The following PPP2R5C variants were observed in gnomAD, a reference collection of about 807,000 sequenced individuals.
PPP2R5C encodes the protein serine/threonine-protein phosphatase 2A 56 kDa regulatory subunit gamma isoform.
PPP2R5C carries 7 observed loss-of-function variants against 68.9 expected under a neutral mutation model. The ratio of observed to expected loss-of-function variants is 0.10; its 90% CI spans 0.06 to 0.19. The LOEUF (loss-of-function observed/expected upper bound fraction) is 0.19. Among genes scored for constraint, PPP2R5C ranks in the 10% least tolerant of loss-of-function variants. PPP2R5C has a pLI of 1.00. For synonymous variants in PPP2R5C, 210 were observed against 222.2 expected (o/e 0.95, Z 0.49); for missense variants, 348 against 641.3 (o/e 0.54, Z 4.94).
chr14:101,922,438 G>A (rs2047060510), intron 13 of PPP2R5C, among the ~76,000 whole-genome samples: 1 of 151,938 alleles, frequency 6.6e-6, no homozygotes, highest in African/African-American at 2.4e-5. Context: ...GCAGTGAGCC[G>A]AGGTTGCACC....
rs530948838 is a variant in PPP2R5C, at chr14:101,800,155, G to T, written c.259+13972G>T. 2.6e-5 allele frequency among the ~76,000 whole-genome samples: 4 copies of T among 152,174 alleles called. No individual in the cohort carries two copies. In the South Asian group the frequency reaches 6.2e-4, roughly 24 times the overall value. On this transcript the variant is annotated intron_variant, in intron 3 of 14. Coordinates refer to the PPP2R5C transcript ENST00000328724. ...TCCCAGATACTTGGGAGGCTGAGGTGGGGGGATCACTTGAGCTCAGGATGC... is the reference window on the plus strand; with the variant it reads ...TCCCAGATACTTGGGAGGCTGAGGTTGGGGGATCACTTGAGCTCAGGATGC...
At chr14:101,836,228 C>T in intron 1 of PPP2R5C, 1 of 702,794 alleles carries the variant, frequency 1.4e-6, no homozygotes, top group Non-Finnish European at 2.6e-6. Context: ...CCCTGACCTT[C>T]AGCTGTGGCC....
rs948538423 is a variant in PPP2R5C, at chr14:101,917,237, G to A, written c.1327-594G>A. On this transcript the variant is annotated intron_variant, in intron 12 of 13. Coordinates refer to ENST00000334743, the Ensembl canonical transcript of PPP2R5C. This position sits in a 1 kb window ranked among gnomAD's most constrained non-coding sequence, Gnocchi z 4.4. ...GAGTGGAGAAGTCCCAGGGCCGCCC[G>A]TAGGGAATGGAGAGGGAGCGTCAGG... is the stretch of plus-strand genomic sequence containing the variant. Among the ~76,000 whole-genome samples the A allele has an allele frequency of 3.9e-5, 6 of 152,158 alleles. No individual in the cohort carries two copies. The highest frequency in any genetic ancestry group is 3.8e-4 in the East Asian group (2 of 5,198).
In PPP2R5C at chr14:101,877,298, G is replaced by A. The variant is rs2043845145; in HGVS notation, c.295-4863G>A. The stretch of plus-strand genomic sequence containing the variant: ...AATTGAGGCTCAGGCAGGCTGTTTG[G>A]TCTGAGGTCCTTCTTCTAGGTGGGA... On this transcript the variant is annotated intron_variant, in intron 2 of 13. Transcript: ENST00000334743. This position sits in a 1 kb window ranked among gnomAD's most constrained non-coding sequence, Gnocchi z 4.2. Among the ~76,000 whole-genome samples the A allele has an allele frequency of 6.6e-6, 1 of 152,062 alleles. No homozygotes were observed.
chr14:101,911,285 C>G (rs2046375660), intron 11 of PPP2R5C, among the ~76,000 whole-genome samples: 1 of 151,664 alleles, frequency 6.6e-6, no homozygotes, highest in Non-Finnish European at 1.5e-5. Context: ...AAAAAAAAAT[C>G]CTTGCCCTTT....
At chr14:101,772,561 G>A (rs1365791495) in intron 2 of PPP2R5C, among the ~76,000 whole-genome samples, 2 of 152,238 alleles carry the variant, frequency 1.3e-5, no homozygotes, top group South Asian at 2.1e-4. Flanking sequence ...TTGGGAGGCC[G>A]AGTCGGGTGG....
chr14:101,844,402 G>A (rs1306090524), intron 1 of PPP2R5C, among the ~76,000 whole-genome samples: 5 of 152,268 alleles, frequency 3.3e-5, no homozygotes, highest in African/African-American at 9.6e-5. Flanking sequence ...CATGGTACCC[G>A]TGTTGCTCTG....
chr14:101,875,472 T>G (rs1196318111), intron 2 of PPP2R5C, among the ~76,000 whole-genome samples: 3 of 152,212 alleles, frequency 2.0e-5, no homozygotes, highest in African/African-American at 7.2e-5. Flanking sequence ...TTTTCACAGT[T>G]TCCAGGTAAT....
At chr14:101,925,336 T>TA (rs1324216231) in exon 14 of PPP2R5C, 19 of 1,594,888 alleles carry the variant, frequency 1.2e-5, no homozygotes, top group South Asian at 1.1e-4. Flanking sequence ...AGAAAATACA[T>TA]ACTTCCTGTG....
intron 2 of PPP2R5C, among the ~76,000 whole-genome samples, chr14:101,876,300 T>TG (rs1364798753): frequency 2.0e-5 from 3 of 152,204 alleles, no homozygotes; most frequent in Admixed American, 2.0e-4. Flanking sequence ...TTATAAATCC[T>TG]GTTGACATGA....
At chr14:101,887,873 CT>C (rs1488979307) in intron 5 of PPP2R5C, among the ~76,000 whole-genome samples, 1 of 152,170 alleles carries the variant, frequency 6.6e-6, no homozygotes, top group African/African-American at 2.4e-5. Context: ...AGCTTAGTGT[CT>C]GGGGGGTCTG....
intron 2 of PPP2R5C, among the ~76,000 whole-genome samples, chr14:101,861,947 T>A (rs559504933): frequency 6.6e-6 from 1 of 152,224 alleles, no homozygotes; most frequent in Non-Finnish European, 1.5e-5. Context: ...GCCGTCTTGC[T>A]CTGTTGCCCA....
chr14:101,763,085 T>C (rs550227711), intron 2 of PPP2R5C, 115 bp downstream of exon 2: 2 of 886,948 alleles, frequency 2.3e-6, no homozygotes, highest in Non-Finnish European at 3.4e-6. Context: ...TGTGAGGTTT[T>C]TTTTTTGTGG....
At chr14:101,844,362 A>C (rs921084021) in intron 1 of PPP2R5C, among the ~76,000 whole-genome samples, 1 of 152,064 alleles carries the variant, frequency 6.6e-6, no homozygotes, top group Non-Finnish European at 1.5e-5. Context: ...ACGTGCACAC[A>C]GTTCTGATAT....
chr14:101,861,755 C>G (rs1380441661), intron 2 of PPP2R5C, among the ~76,000 whole-genome samples: 8 of 152,140 alleles, frequency 5.3e-5, no homozygotes, highest in Admixed American at 3.3e-4. Context: ...CATGGAACAC[C>G]ATTTTTACCT....
At chr14:101,900,849 G>A (rs1279048920) in intron 8 of PPP2R5C, among the ~76,000 whole-genome samples, 1 of 152,216 alleles carries the variant, frequency 6.6e-6, no homozygotes, top group African/African-American at 2.4e-5. Flanking sequence ...AGACCCTCTG[G>A]GTGGTGACAA....
At chr14:101,812,196 C>T (rs1175300784) in intron 1 of PPP2R5C, among the ~76,000 whole-genome samples, 3 of 152,164 alleles carry the variant, frequency 2.0e-5, no homozygotes, top group East Asian at 1.9e-4. Context: ...TGAGCAGCTC[C>T]GGTGTGCCAA....
At chr14:101,794,378 A>G (rs985484654) in intron 3 of PPP2R5C, among the ~76,000 whole-genome samples, 8 of 152,224 alleles carry the variant, frequency 5.3e-5, no homozygotes, top group Non-Finnish European at 1.0e-4. Context: ...TAGTCATTGC[A>G]GAAAGAAACA....
intron 2 of PPP2R5C, among the ~76,000 whole-genome samples, chr14:101,862,962 G>T (rs963551176): frequency 2.6e-5 from 4 of 151,516 alleles, no homozygotes; most frequent in Non-Finnish European, 5.9e-5. Flanking sequence ...ACAAGTAGCT[G>T]AGTCTACACT....
Sources: gnomAD v4.1 joint callset for allele counts (sites outside exome capture counted in the v4.1 genomes callset) on GRCh38, gnomAD v4.1.1 for gene constraint, Gnocchi (gnomAD v3.1) non-coding constraint, MANE v1.5 for transcripts, NCBI Gene and HGNC (gene_info 2026-07-23, HGNC 2026-07-21) for gene names.